The following SRGAP1 variants were observed in gnomAD, a reference collection of about 807,000 sequenced individuals.
The protein encoded by SRGAP1 is SLIT-ROBO Rho GTPase activating protein 1.
SRGAP1 carries 43 observed loss-of-function variants against 121.9 expected under a neutral mutation model. The observed-to-expected ratio is 0.35, with a 90% CI of 0.28 to 0.46. The LOEUF (loss-of-function observed/expected upper bound fraction) is 0.46, where lower values mean the gene tolerates loss of function less well. Ranked by LOEUF, SRGAP1 falls within the 20% of genes least tolerant of loss-of-function variation. The pLI is 1.00. For missense variants in SRGAP1, 1,102 were observed against 1,350.9 expected (o/e 0.82, Z 2.89); for synonymous variants, 447 against 485.4 (o/e 0.92, Z 1.04).
rs184455073 is a variant in SRGAP1 at position 63,928,192 on chromosome 12, C to T, written c.68-55755C>T. On this transcript the variant is annotated intron_variant, in intron 1 of 21. Transcript: ENST00000355086. ...TACTTGAAAATTGCAGCATGCTACTCCTAAAAGTCACTCTGGGTATGCTTT... is the reference window on the plus strand; with the variant it reads ...TACTTGAAAATTGCAGCATGCTACTTCTAAAAGTCACTCTGGGTATGCTTT... Among the ~76,000 whole-genome samples, 7 of 152,252 alleles carry T rather than the reference C, an allele frequency of 4.6e-5. No homozygotes were observed. The East Asian group carries it at 9.7e-4, about 21-fold the overall frequency.
chr12:64,020,608 C>CA (rs2034518253), intron 4 of SRGAP1, among the ~76,000 whole-genome samples: 1 of 152,048 alleles, frequency 6.6e-6, no homozygotes, highest in Admixed American at 6.5e-5. Flanking sequence ...TTTGGGAGGC[C>CA]AAGGCGGGTG....
intron 8 of SRGAP1, among the ~76,000 whole-genome samples, chr12:64,069,413 C>T (rs2035600680): frequency 6.6e-6 from 1 of 152,150 alleles, no homozygotes; most frequent in Admixed American, 6.6e-5. Context: ...TTTACATTTA[C>T]CTGTTAAACT....
At chr12:63,925,529 G>A (rs2031225470) in intron 1 of SRGAP1, among the ~76,000 whole-genome samples, 1 of 152,064 alleles carries the variant, frequency 6.6e-6, no homozygotes, top group African/African-American at 2.4e-5. Context: ...AAATTTTGGG[G>A]GAAGTATTAC....
chr12:64,116,231 TG>T (rs1456399036), intron 18 of SRGAP1, among the ~76,000 whole-genome samples: 1 of 127,248 alleles, frequency 7.9e-6, no homozygotes, highest in African/African-American at 3.1e-5. Context: ...CCCTCCAGCC[TG>T]GGCAACAGAA....
At chr12:63,973,609 T>G (rs1443300758) in intron 1 of SRGAP1, among the ~76,000 whole-genome samples, 1 of 152,236 alleles carries the variant, frequency 6.6e-6, no homozygotes, top group Non-Finnish European at 1.5e-5. Flanking sequence ...GTTAAATTGC[T>G]TAAAAGTCTA....
intron 16 of SRGAP1, among the ~76,000 whole-genome samples, chr12:64,111,028 A>G (rs986248532): frequency 5.3e-5 from 8 of 152,228 alleles, no homozygotes; most frequent in African/African-American, 1.7e-4. Context: ...AACAAGGAGC[A>G]TAGCAATAAA....
At chr12:63,919,647 C>T (rs73317304) in intron 1 of SRGAP1, among the ~76,000 whole-genome samples, 77 of 152,088 alleles carry the variant, frequency 5.1e-4, no homozygotes, top group African/African-American at 1.8e-3. Context: ...GTGCTCTGCC[C>T]CATCCCATAT....
In SRGAP1 at chr12:63,886,188, G is replaced by T. The variant is rs371116099; in HGVS notation, c.67+41305G>T. 1.1e-4 allele frequency among the ~76,000 whole-genome samples: 16 copies of T among 152,212 alleles called. No homozygotes were observed. The East Asian group carries it at 1.7e-3, about 17-fold the overall frequency. On this transcript the variant is annotated intron_variant, in intron 1 of 21. Transcript: ENST00000355086. ...CAATTCTCCTGCCTCAGCCTCTTGA[G>T]TAGCTGGGGCTACAGGCATGTGCCA...
intron 4 of SRGAP1, among the ~76,000 whole-genome samples, chr12:64,040,858 A>G (rs2035002795): frequency 6.6e-6 from 1 of 152,178 alleles, no homozygotes; most frequent in Non-Finnish European, 1.5e-5. Context: ...TTGGCAATAT[A>G]TTACTAAGTC....
rs192470040 is a variant in SRGAP1, at chr12:63,883,575, A to G, written c.67+38692A>G. 4.8e-4 allele frequency among the ~76,000 whole-genome samples: 73 copies of G among 152,278 alleles called. 2 individuals are homozygous for G. The East Asian group carries it at 0.014, about 29-fold the overall frequency. On this transcript the variant is annotated intron_variant, in intron 1 of 21. Transcript: ENST00000355086. ...GGTACCGGAATATGTCTTCACACTGACAGCCCTACCCAAGACTTGTTCATC... is the reference window on the plus strand; with the variant it reads ...GGTACCGGAATATGTCTTCACACTGGCAGCCCTACCCAAGACTTGTTCATC...
chr12:63,878,495 C>T lies in SRGAP1; in HGVS notation c.67+33612C>T, dbSNP rs371367356. The stretch of plus-strand genomic sequence containing the variant: ...AGTTGTAATTGTTCATTACTTCATT[C>T]CTCTATTCGTGTGCGTGTGCATGTT... On this transcript the variant is annotated intron_variant, in intron 1 of 21. Coordinates refer to ENST00000355086, the MANE Select transcript of SRGAP1 (RefSeq NM_020762.4). 2.6e-5 allele frequency among the ~76,000 whole-genome samples: 4 copies of T among 152,220 alleles called. No individual in the cohort carries two copies. In the South Asian group the frequency reaches 8.3e-4, roughly 32 times the overall value.
chr12:64,069,959 ACTC>A (rs2035610871), intron 8 of SRGAP1, among the ~76,000 whole-genome samples: 1 of 152,032 alleles, frequency 6.6e-6, no homozygotes, highest in Admixed American at 6.5e-5. Flanking sequence ...GGCCGGTTGA[ACTC>A]CTGGGCTCAA....
chr12:64,136,677 G>A (rs951340512), intron 21 of SRGAP1, among the ~76,000 whole-genome samples: 7 of 152,088 alleles, frequency 4.6e-5, no homozygotes, highest in African/African-American at 9.7e-5. Flanking sequence ...AAAAATTAAC[G>A]CAATTTTAAG....
At chr12:64,069,427 TA>T (rs1281102771) in intron 8 of SRGAP1, among the ~76,000 whole-genome samples, 8 of 152,214 alleles carry the variant, frequency 5.3e-5, no homozygotes, top group East Asian at 1.9e-4. Flanking sequence ...TTAAACTTTT[TA>T]AAATGAGGTT....
chr12:64,152,911 TAAAAAAAAAAAA>T lies in SRGAP1; in HGVS notation c.*10253_*10264del, dbSNP rs57320190. The T allele has an allele frequency of 1.1e-5, 1 of 89,912 alleles. No individual in the cohort carries two copies. The highest frequency in any genetic ancestry group is 2.1e-5 in the Non-Finnish European group (1 of 47,696). 5.6% of individuals were successfully genotyped at this position (89,912 alleles called of 1,614,324 possible). A position where few individuals can be genotyped will look rare whatever the true frequency, so the allele number is the denominator to read the frequency against. On this transcript the variant is annotated 3_prime_UTR_variant, in exon 22 of 22. Transcript: ENST00000355086. ...ATGGAGTGTACTTCCTGGTATGATT[TAAAAAAAAAAAA>T]AAAAAAAAAAAAACCACTACATAAG...
intron 1 of SRGAP1, among the ~76,000 whole-genome samples, chr12:63,865,738 C>A (rs955878343): frequency 3.3e-5 from 5 of 152,110 alleles, no homozygotes; most frequent in Non-Finnish European, 4.4e-5. Context: ...TCCTATTGAC[C>A]AGTGCCGGCT....
At chr12:64,004,716 C>T (rs112707565) in intron 3 of SRGAP1, among the ~76,000 whole-genome samples, 12 of 152,244 alleles carry the variant, frequency 7.9e-5, no homozygotes, top group African/African-American at 2.9e-4. Flanking sequence ...GAATCCTTAC[C>T]CATTTTTCTC....
chr12:63,897,503 A>G (rs1900792684), intron 1 of SRGAP1, among the ~76,000 whole-genome samples: 1 of 152,206 alleles, frequency 6.6e-6, no homozygotes, highest in Non-Finnish European at 1.5e-5. Context: ...AAATTTGTGT[A>G]TAGTCTATGG....
intron 4 of SRGAP1, among the ~76,000 whole-genome samples, chr12:64,017,625 A>G (rs1489289117): frequency 1.3e-5 from 2 of 151,800 alleles, no homozygotes; most frequent in African/African-American, 2.4e-5. Flanking sequence ...ACTGCACTCC[A>G]GCCTGGGCAA....
Sources: allele counts gnomAD v4.1 joint callset (sites outside exome capture counted in the v4.1 genomes callset), GRCh38; gene constraint gnomAD v4.1.1; transcripts MANE v1.5; gene names NCBI Gene and HGNC (gene_info 2026-07-23, HGNC 2026-07-21).